Variants in TRPV3 observed in about 807,000 individuals in gnomAD.
TRPV3 encodes the protein transient receptor potential cation channel subfamily V member 3, also known as VRL-3.
Under a neutral mutation model 87.1 loss-of-function variants are expected in TRPV3, and 88 were observed. The observed-to-expected ratio is 1.01, with a 90% CI of 0.85 to 1.21. TRPV3 has a LOEUF of 1.21. Among genes scored for constraint, TRPV3 ranks in the 50% most tolerant of loss-of-function variants. The probability of loss-of-function intolerance (pLI) is 0.00; values close to 1 mark genes in which losing one functional copy is unlikely to be tolerated. For synonymous variants in TRPV3, 438 were observed against 423.3 expected (o/e 1.03, Z -0.43); for missense variants, 1,054 against 1,030.1 (o/e 1.02, Z -0.32).
At position 3,518,655 on chromosome 17, in the gene TRPV3, A is replaced by G. The variant is rs139946922; in HGVS notation, c.2006T>C (p.Leu669Pro). The change falls in exon 15 of 18, where the codon CTC becomes CCC. Residue 669 changes from leucine to proline, a missense_variant. Physicochemically the swap from Leu to Pro is moderately conservative, Grantham distance 98 (BLOSUM62 -3). Transcript: ENST00000576742. The surrounding 1 kb of genome is among the most constrained non-coding windows in gnomAD (Gnocchi z 4.3). ...CATCAGAGCAATGAGCATGTTGAGGAGGAGAACAAAGGTGAGGATGACATA... is the reference window on the plus strand; with the variant it reads ...CATCAGAGCAATGAGCATGTTGAGGGGGAGAACAAAGGTGAGGATGACATA... The part of the protein sequence containing the change: ...ITYVILTFVL[L>P]LNMLIALMGE... The G allele has an allele frequency of 2.0e-5, 32 of 1,600,490 alleles. No homozygotes were observed. Among genetic ancestry groups the G allele is most frequent in the Non-Finnish European group, 2.5e-5 (29 of 1,173,494 alleles).
Position 3,521,930 on chromosome 17 carries a change from G to A in TRPV3, c.1744-891C>T, listed in dbSNP as rs561549284. Among the ~76,000 whole-genome samples the A allele has an allele frequency of 2.0e-5, 3 of 152,080 alleles. No individual in the cohort carries two copies. In the South Asian group the frequency reaches 6.2e-4, roughly 32 times the overall value. On this transcript the variant is annotated intron_variant, in intron 13 of 17. Transcript: ENST00000576742. ...GTCTCTACTAAAAATACAAAAATTAGCTGGGTGTGGTGGCACACACCTGTG... is the reference window on the plus strand; with the variant it reads ...GTCTCTACTAAAAATACAAAAATTAACTGGGTGTGGTGGCACACACCTGTG...
intron 3 of TRPV3, 134 bp downstream of exon 3, chr17:3,545,033 A>G: frequency 5.1e-6 from 3 of 589,090 alleles, no homozygotes; most frequent in East Asian, 3.0e-5. Flanking sequence ...AATAATAATA[A>G]TAAAGTTTTA....
chr17:3,532,517 G>T, intron 8 of TRPV3, 140 bp downstream of exon 8: 1 of 1,159,956 alleles, frequency 8.6e-7, no homozygotes, highest in Non-Finnish European at 1.2e-6. Context: ...CGCCACTGCA[G>T]TTCTGGACCC....
At chr17:3,519,690 T>TTGGATGGATGGATAGATGGATGGA (rs2074222674) in intron 14 of TRPV3, among the ~76,000 whole-genome samples, 1 of 32,664 alleles carries the variant, frequency 3.1e-5, no homozygotes, top group Non-Finnish European at 6.3e-5. Flanking sequence ...GGATGGATGA[T>TTGGATGGATGGATAGATGGATGGA]TGGATGGATG....
At chr17:3,531,136 G>A (rs2074346173) in intron 8 of TRPV3, among the ~76,000 whole-genome samples, 1 of 152,130 alleles carries the variant, frequency 6.6e-6, no homozygotes, top group South Asian at 2.1e-4. Flanking sequence ...AATATCCAGG[G>A]TGGGACCCAG....
chr17:3,522,820 C>CAAAAAAAAAAAAAAAA (rs772785322), intron 13 of TRPV3, among the ~76,000 whole-genome samples: 1 of 64,708 alleles, frequency 1.5e-5, no homozygotes, highest in Non-Finnish European at 3.5e-5. Context: ...CAGTCACAAA[C>CAAAAAAAAAAAAAAAA]AAAAAAAAAA....
chr17:3,516,605 AC>A, intron 15 of TRPV3, 36 bp from the exon 16 acceptor site: 1 of 1,504,086 alleles, frequency 6.6e-7, no homozygotes, highest in Non-Finnish European at 9.3e-7. Context: ...GTAGGCATCC[AC>A]ACTCACAAGC....
chr17:3,536,148 C>T (rs748274602), intron 6 of TRPV3, among the ~76,000 whole-genome samples: 1 of 152,152 alleles, frequency 6.6e-6, no homozygotes, highest in Non-Finnish European at 1.5e-5. Context: ...GGGGCCAGCT[C>T]ATCAGCCAGG....
chr17:3,528,471 G>A lies in TRPV3; in HGVS notation c.1402-345C>T, dbSNP rs1328686263. 2.0e-5 allele frequency among the ~76,000 whole-genome samples: 3 copies of A among 152,152 alleles called. No individual in the cohort carries two copies. The highest frequency in any genetic ancestry group is 4.8e-5 in the African/African-American group (2 of 41,428). ...GCCGAGGCTCTGTGCCCCACGTGACGCATGGGAAACCGAAGCCCAGCAGGC... is the reference window on the plus strand; with the variant it reads ...GCCGAGGCTCTGTGCCCCACGTGACACATGGGAAACCGAAGCCCAGCAGGC... On this transcript the variant is annotated intron_variant, in intron 10 of 17. Transcript: ENST00000576742. The surrounding 1 kb of genome is among the most constrained non-coding windows in gnomAD (Gnocchi z 4.2).
intron 9 of TRPV3, among the ~76,000 whole-genome samples, chr17:3,529,200 G>A (rs576809418): frequency 3.1e-4 from 47 of 152,146 alleles, no homozygotes; most frequent in Non-Finnish European, 5.9e-4. Flanking sequence ...GTCAGAGGCC[G>A]CAGGAGCCCG....
Position 3,526,936 on chromosome 17 carries a change from A to G in TRPV3, c.1504-9T>C, listed in dbSNP as rs1260249279. On this transcript the variant is annotated splice_polypyrimidine_tract_variant and intron_variant, in intron 11 of 17. Coordinates refer to ENST00000576742, the MANE Select transcript of TRPV3 (RefSeq NM_145068.4). ...AGGAAGATGGCAATGCCCTAAGGCCAGGAAGGAAAGAAACAGTGCACCCTC... is the reference window on the plus strand; with the variant it reads ...AGGAAGATGGCAATGCCCTAAGGCCGGGAAGGAAAGAAACAGTGCACCCTC... 6.2e-7 allele frequency: 1 copy of G among 1,608,468 alleles called. No homozygotes were observed.
chr17:3,517,427 T>G (rs1879587411), intron 15 of TRPV3, among the ~76,000 whole-genome samples: 1 of 151,840 alleles, frequency 6.6e-6, no homozygotes, highest in Admixed American at 6.6e-5. Flanking sequence ...GCGGCCAGCC[T>G]AGGCAACATG....
chr17:3,526,027 T>C (rs993823214), intron 12 of TRPV3, among the ~76,000 whole-genome samples: 1 of 152,196 alleles, frequency 6.6e-6, no homozygotes, highest in Non-Finnish European at 1.5e-5. Flanking sequence ...GACATCTGGA[T>C]AAAAACACTG....
intron 8 of TRPV3, among the ~76,000 whole-genome samples, chr17:3,532,095 T>A (rs898271807): frequency 2.6e-5 from 4 of 152,196 alleles, no homozygotes; most frequent in African/African-American, 9.7e-5. Context: ...GAAAGAGATC[T>A]GAGCCCAGCC....
rs921753645 is a variant in TRPV3 at position 3,515,412 on chromosome 17, G to A, written c.2199-740C>T. The stretch of plus-strand genomic sequence containing the variant: ...ACCGTGGCTCACGCCTGTAATCCCA[G>A]CACTTTGGGAGGCCGAGGGGGGTGG... On this transcript the variant is annotated intron_variant, in intron 16 of 17. Transcript: ENST00000576742. Among the ~76,000 whole-genome samples, 8 of 152,168 alleles carry A rather than the reference G, an allele frequency of 5.3e-5. 1 individual carries two copies. The South Asian group carries it at 1.0e-3, about 20-fold the overall frequency.
In TRPV3 at chr17:3,514,410, G is replaced by A. The variant is rs11868275; in HGVS notation, c.2278+183C>T. The A allele has an allele frequency of 0.06, 36,126 of 602,416 alleles. 1,195 individuals are homozygous for A. Among genetic ancestry groups the A allele is most frequent in the South Asian group, 0.068 (3,450 of 50,556 alleles). The allele number at this position is 602,416 out of a possible 1,614,324, so 37.3% of individuals were successfully genotyped here. ...ATGTGTTTCTATGGCTTAGGGCTAC[G>A]CCATTTTAAAAGTTGTGCCAACTAG... On this transcript the variant is annotated intron_variant, in intron 17 of 17. Transcript: ENST00000576742.
chr17:3,519,881 G>A (rs946629087), intron 14 of TRPV3, among the ~76,000 whole-genome samples: 1 of 129,102 alleles, frequency 7.7e-6, no homozygotes, highest in Non-Finnish European at 1.7e-5. Flanking sequence ...TGGATGGATG[G>A]ATGGATGATT....
Position 3,535,609 on chromosome 17 carries a change from A to G in TRPV3, c.748T>C (p.Phe250Leu). ...CCTTCGTGTTGGTACTTGGGGTTGA[A>G]GAAGGCCCCCTTGGCGTGCGCGTTG... Reference protein sequence around the residue: ...DVNAHAKGAFFNPKYQHEGFY... With the variant: ...DVNAHAKGAFLNPKYQHEGFY... Residue 250 changes from phenylalanine to leucine, a missense_variant, in exon 7 of 18, where the codon TTC becomes CTC. Physicochemically the swap from Phe to Leu is conservative, Grantham distance 22. Transcript: ENST00000576742. 6.2e-7 allele frequency: 1 copy of G among 1,609,430 alleles called. No homozygotes were observed. Among genetic ancestry groups the G allele is most frequent in the South Asian group, 1.1e-5 (1 of 90,624 alleles).
chr17:3,528,652 G>A lies in TRPV3; in HGVS notation c.1401+185C>T, dbSNP rs1434541465. Among the ~76,000 whole-genome samples, 1 of 152,182 alleles carries A rather than the reference G, an allele frequency of 6.6e-6. No homozygotes were observed. The highest frequency in any genetic ancestry group is 1.5e-5 in the Non-Finnish European group (1 of 68,024). The stretch of plus-strand genomic sequence containing the variant: ...GGTCTGCCCTTGGGACTCGGCACCT[G>A]GGGCTTAGCCCAGGCTAAGCACTGA... On this transcript the variant is annotated intron_variant, in intron 10 of 17. Coordinates refer to ENST00000576742, the MANE Select transcript of TRPV3 (RefSeq NM_145068.4). This position sits in a 1 kb window ranked among gnomAD's most constrained non-coding sequence, Gnocchi z 4.2.
Sources: allele counts gnomAD v4.1 joint callset (sites outside exome capture counted in the v4.1 genomes callset), GRCh38; gene constraint gnomAD v4.1.1; non-coding constraint Gnocchi (gnomAD v3.1); transcripts MANE v1.5; gene names NCBI Gene and HGNC (gene_info 2026-07-23, HGNC 2026-07-21).